RTN4: variants seen among roughly 807,000 people sequenced by gnomAD.
RTN4 encodes the protein reticulon 4, also known as reticulon-4.
In RTN4, 32 loss-of-function variants were observed where a neutral mutation model predicts 90.4. That is an observed-to-expected ratio of 0.35 (90% CI 0.27 to 0.48). The LOEUF is 0.48. RTN4 is among the 20% of genes least tolerant of loss of function. RTN4 has a pLI of 0.99. For missense variants in RTN4, 1,706 were observed against 1,430.2 expected, an observed-to-expected ratio of 1.19 and a Z score of -3.11; for synonymous variants, 629 against 552.5, an observed-to-expected ratio of 1.14 and a Z score of -1.94.
intron 1 of RTN4, among the ~76,000 whole-genome samples, chr2:55,044,521 G>A (rs539017990): frequency 6.6e-6 from 1 of 152,166 alleles, no homozygotes; most frequent in South Asian, 2.1e-4. Flanking sequence ...GACCAGCCTG[G>A]ACAAAAGTGA....
chr2:55,136,267 G>C, the RTN4 span, among the ~76,000 whole-genome samples: 1 of 152,316 alleles, frequency 6.6e-6, no homozygotes, highest in South Asian at 2.1e-4. Context: ...AATACCTCAA[G>C]TGAGCATGTG....
At chr2:55,117,191 G>C (rs1440493813), upstream of RTN4, among the ~76,000 whole-genome samples, 1 of 152,222 alleles carries the variant, frequency 6.6e-6, no homozygotes, top group Admixed American at 6.5e-5. Context: ...TGTTTCTTAC[G>C]TGATGGATCA....
chr2:55,112,118 G>C (rs114237151), intron 1 of RTN4, among the ~76,000 whole-genome samples: 11 of 152,314 alleles, frequency 7.2e-5, no homozygotes, highest in African/African-American at 2.6e-4. Flanking sequence ...GAGGCTCTGA[G>C]AGGCCCCCTG....
chr2:55,010,610 A>C (rs1424814397), intron 3 of RTN4, among the ~76,000 whole-genome samples: 1 of 152,208 alleles, frequency 6.6e-6, no homozygotes, highest in Non-Finnish European at 1.5e-5. Flanking sequence ...TTACCTAATA[A>C]GATAAAAATG....
At chr2:55,052,673 T>C (rs1668118228), upstream of RTN4, among the ~76,000 whole-genome samples, 1 of 152,250 alleles carries the variant, frequency 6.6e-6, no homozygotes, top group African/African-American at 2.4e-5. Context: ...AAGAGACATA[T>C]TTGAAGTCTT....
intron 1 of RTN4, among the ~76,000 whole-genome samples, chr2:55,104,503 A>G (rs959863279): frequency 6.6e-6 from 1 of 151,848 alleles, no homozygotes; most frequent in Admixed American, 6.6e-5. Flanking sequence ...GGCGCATGCC[A>G]CCACATCTGG....
chr2:55,099,202 A>C (rs1425564873), intron 1 of RTN4, among the ~76,000 whole-genome samples: 1 of 152,116 alleles, frequency 6.6e-6, no homozygotes, highest in Non-Finnish European at 1.5e-5. Flanking sequence ...GGCAGAAAAA[A>C]ATGGTAGAAT....
At chr2:55,014,795 G>T (rs1026654996) in intron 3 of RTN4, among the ~76,000 whole-genome samples, 1 of 152,038 alleles carries the variant, frequency 6.6e-6, no homozygotes, top group Non-Finnish European at 1.5e-5. Flanking sequence ...GATTACAGAC[G>T]TGAGCCACTG....
chr2:55,123,237 A>T, the RTN4 span, among the ~76,000 whole-genome samples: 1 of 152,234 alleles, frequency 6.6e-6, no homozygotes, highest in Non-Finnish European at 1.5e-5. Context: ...TGATTCTTGT[A>T]TGACCTCAGC....
chr2:55,013,829 C>T (rs1680831231), intron 3 of RTN4, among the ~76,000 whole-genome samples: 1 of 152,038 alleles, frequency 6.6e-6, no homozygotes, highest in Non-Finnish European at 1.5e-5. Flanking sequence ...TTTTTCTTTA[C>T]AACATTTAGA....
intron 4 of RTN4, among the ~76,000 whole-genome samples, chr2:54,983,523 G>A (rs1249419509): frequency 6.6e-6 from 1 of 152,066 alleles, no homozygotes. Context: ...GTCTCAGGAT[G>A]CCAGTTTCTT....
At chr2:55,051,583 G>T (rs538603538), upstream of RTN4, among the ~76,000 whole-genome samples, 1 of 152,270 alleles carries the variant, frequency 6.6e-6, no homozygotes, top group South Asian at 2.1e-4. Flanking sequence ...TGCCTACTCT[G>T]GAGGCCCTGG....
chr2:55,000,996 A>C (rs1208439788), intron 3 of RTN4, among the ~76,000 whole-genome samples: 4 of 152,142 alleles, frequency 2.6e-5, no homozygotes, highest in Admixed American at 6.5e-5. Flanking sequence ...TATAAATAAC[A>C]ATCTATGTAA....
upstream of RTN4, among the ~76,000 whole-genome samples, chr2:55,115,427 T>C (rs1668106040): frequency 6.6e-6 from 1 of 152,190 alleles, no homozygotes; most frequent in South Asian, 2.1e-4. Context: ...TTATAAGAAC[T>C]TCCGTGATTA....
At chr2:54,995,581 A>G (rs1679357191) in intron 3 of RTN4, among the ~76,000 whole-genome samples, 1 of 152,170 alleles carries the variant, frequency 6.6e-6, no homozygotes, top group African/African-American at 2.4e-5. Flanking sequence ...TCATTCATTC[A>G]TTCGTTCATT....
rs190345834 is a variant in RTN4, at chr2:54,973,759, G to C, written c.3477+62C>G. On this transcript the variant is annotated intron_variant, in intron 7 of 8. Transcript: ENST00000337526. ...ATTGAAAATGGGCACTAATACATCC[G>C]TAAATCCCATGTAATAGAGTGAGTG... is the stretch of plus-strand genomic sequence containing the variant. The C allele has an allele frequency of 5.2e-6, 8 of 1,549,032 alleles. No homozygotes were observed. In the African/African-American group the frequency reaches 8.2e-5, roughly 16 times the overall value.
intron 3 of RTN4, among the ~76,000 whole-genome samples, chr2:55,004,129 T>C (rs1188881265): frequency 1.3e-5 from 2 of 152,168 alleles, no homozygotes; most frequent in Admixed American, 6.5e-5. Flanking sequence ...CTTTTGACAA[T>C]ACCTGTACTA....
At chr2:55,134,263 T>C in the RTN4 span, among the ~76,000 whole-genome samples, 2 of 152,208 alleles carry the variant, frequency 1.3e-5, no homozygotes, top group African/African-American at 4.8e-5. Context: ...CTGTTTTATC[T>C]GTGGGGTCTT....
At chr2:55,049,607 G>A (rs987668882) in intron 1 of RTN4, 138 bp downstream of exon 1, 2 of 1,402,272 alleles carry the variant, frequency 1.4e-6, no homozygotes, top group Admixed American at 2.0e-5. Context: ...CCAACCAGAC[G>A]GGGCGCCATC....
Sources: allele counts gnomAD v4.1 joint callset (sites outside exome capture counted in the v4.1 genomes callset), GRCh38; gene constraint gnomAD v4.1.1; transcripts MANE v1.5; gene names NCBI Gene and HGNC (gene_info 2026-07-23, HGNC 2026-07-21).